ZP3: variants seen among roughly 807,000 people sequenced by gnomAD.
The protein encoded by ZP3 is zona pellucida glycoprotein 3.
Under a neutral mutation model 35.6 loss-of-function variants are expected in ZP3, and 21 were observed. The ratio of observed to expected loss-of-function variants is 0.59; its 90% CI spans 0.42 to 0.85. The LOEUF is 0.85. Among genes scored for constraint, ZP3 ranks in the 40% least tolerant of loss-of-function variants. ZP3 has a pLI of 0.00. For synonymous variants in ZP3, 207 were observed against 214.5 expected (o/e 0.96, Z 0.31); for missense variants, 437 against 536.5 (o/e 0.81, Z 1.83).
chr7:76,408,089 G>A (rs1805099059), intron 1 of ZP3, among the ~76,000 whole-genome samples: 1 of 152,178 alleles, frequency 6.6e-6, no homozygotes, highest in African/African-American at 2.4e-5. Context: ...TTTGTAGGAG[G>A]CGGCGGTAGA....
At chr7:76,436,088 G>T in intron 5 of ZP3, among the ~76,000 whole-genome samples, 1 of 101,400 alleles carries the variant, frequency 9.9e-6, no homozygotes, top group Non-Finnish European at 1.8e-5. Context: ...GAGGGTCTCT[G>T]TCACCCAGGC....
At chr7:76,416,945 C>CATATATATATATAT (rs35169816) in intron 1 of ZP3, among the ~76,000 whole-genome samples, 16 of 73,248 alleles carry the variant, frequency 2.2e-4, no homozygotes, top group Non-Finnish European at 3.9e-4. Context: ...TGTATACATA[C>CATATATATATATAT]ATATATATAT....
At chr7:76,436,076 G>C (rs1436062934) in intron 5 of ZP3, among the ~76,000 whole-genome samples, 1 of 46,302 alleles carries the variant, frequency 2.2e-5, no homozygotes, top group Non-Finnish European at 4.1e-5. Context: ...TTTTTTTTTT[G>C]AGAGGGTCTC....
At chr7:76,423,055 G>C (rs868241641), upstream of ZP3, among the ~76,000 whole-genome samples, 16 of 136,002 alleles carry the variant, frequency 1.2e-4, no homozygotes, top group African/African-American at 5.4e-4. Context: ...AAGAAAGAAA[G>C]AAAGAAAGAA....
chr7:76,423,038 A>G (rs1410448972), upstream of ZP3, among the ~76,000 whole-genome samples: 49 of 126,732 alleles, frequency 3.9e-4, no homozygotes, highest in East Asian at 4.9e-3. Context: ...AAAGAAAGAA[A>G]GAAAGAAAGA....
chr7:76,400,772 C>T (rs982306148), intron 1 of ZP3, among the ~76,000 whole-genome samples: 4 of 152,164 alleles, frequency 2.6e-5, no homozygotes, highest in African/African-American at 7.2e-5. Context: ...CCTCCCAAAG[C>T]GCTAGGATCA....
At chr7:76,412,959 C>CTTT (rs1163502002) in intron 1 of ZP3, among the ~76,000 whole-genome samples, 1 of 90,364 alleles carries the variant, frequency 1.1e-5, no homozygotes, top group Non-Finnish European at 2.2e-5. Flanking sequence ...TCTTCTTCTT[C>CTTT]TTCTTCTTTT....
At chr7:76,438,124 C>T (rs561418818) in intron 5 of ZP3, among the ~76,000 whole-genome samples, 3 of 152,204 alleles carry the variant, frequency 2.0e-5, no homozygotes, top group African/African-American at 4.8e-5. Context: ...ATGCTCTGCC[C>T]GAGGTTGAGC....
At chr7:76,413,729 TG>T (rs1375776035) in intron 1 of ZP3, among the ~76,000 whole-genome samples, 1 of 152,086 alleles carries the variant, frequency 6.6e-6, no homozygotes. Context: ...TGTAGTGGCG[TG>T]ATCATAGCTC....
chr7:76,411,963 C>T (rs946393304), intron 1 of ZP3, among the ~76,000 whole-genome samples: 1 of 152,022 alleles, frequency 6.6e-6, no homozygotes, highest in Non-Finnish European at 1.5e-5. Context: ...GAGGCTGTGG[C>T]AGGAGGATCA....
upstream of ZP3, among the ~76,000 whole-genome samples, chr7:76,422,880 CCCAGCTACT>C (rs1455773126): frequency 1.3e-5 from 2 of 150,238 alleles, no homozygotes; most frequent in Non-Finnish European, 3.0e-5. Context: ...TGCCTGTAAT[CCCAGCTACT>C]CGGGAGGCTG....
intron 2 of ZP3, among the ~76,000 whole-genome samples, chr7:76,430,848 C>T (rs950605194): frequency 6.6e-5 from 10 of 152,194 alleles, no homozygotes; most frequent in South Asian, 2.1e-4. Context: ...AGAACAGGAT[C>T]CTGGAGTGGG....
Position 76,403,347 on chromosome 7 carries a change from C to CTTTTTTTTTT in ZP3, c.-67+5558_-67+5559insTTTTTTTTTT, listed in dbSNP as rs766899317. On this transcript the variant is annotated intron_variant, in intron 1 of 8. Coordinates refer to the ZP3 transcript ENST00000336517. ...TGATGAAGAAACTGAGACTCCACTT[C>CTTTTTTTTTT]TTTTTTTTGAGACAGAGTCTCGCCC... Among the ~76,000 whole-genome samples, 18 of 149,606 alleles carry CTTTTTTTTTT rather than the reference C, an allele frequency of 1.2e-4. 3 individuals are homozygous for CTTTTTTTTTT. The highest frequency in any genetic ancestry group is 2.1e-4 in the South Asian group (1 of 4,706).
intron 1 of ZP3, among the ~76,000 whole-genome samples, chr7:76,428,033 A>G (rs973239050): frequency 5.3e-5 from 8 of 152,020 alleles, no homozygotes; most frequent in Admixed American, 1.3e-4. Context: ...AGCTTAGAAT[A>G]GGTGGTTGGG....
chr7:76,432,798 G>A (rs115299574), intron 2 of ZP3, 129 bp from the exon 3 acceptor site: 5 of 709,402 alleles, frequency 7.0e-6, no homozygotes, highest in African/African-American at 1.8e-5. Flanking sequence ...CAGCCATCTC[G>A]CACCAGCTAC....
At chr7:76,410,300 G>A (rs1805207139) in intron 1 of ZP3, among the ~76,000 whole-genome samples, 1 of 151,832 alleles carries the variant, frequency 6.6e-6, no homozygotes, top group Admixed American at 6.6e-5. Flanking sequence ...CAAAGTGCTG[G>A]GTTTACAGGT....
intron 1 of ZP3, chr7:76,429,112 T>C (rs1805755834): frequency 1.7e-5 from 4 of 229,872 alleles, no homozygotes; most frequent in Non-Finnish European, 3.5e-5. Flanking sequence ...AGAAGGGATG[T>C]GTCATGTGCC....
At chr7:76,426,154 C>T (rs1179675195) in intron 1 of ZP3, among the ~76,000 whole-genome samples, 1 of 151,678 alleles carries the variant, frequency 6.6e-6, no homozygotes, top group Admixed American at 6.6e-5. Flanking sequence ...GTGTTAAAGA[C>T]CTTAAAAGCA....
intron 1 of ZP3, among the ~76,000 whole-genome samples, chr7:76,414,282 C>G (rs1805314426): frequency 6.6e-6 from 1 of 152,178 alleles, no homozygotes; most frequent in Admixed American, 6.6e-5. Context: ...CAGGTGTGAG[C>G]CACTGCACCC....
Sources: gnomAD v4.1 joint callset for allele counts (sites outside exome capture counted in the v4.1 genomes callset) on GRCh38, gnomAD v4.1.1 for gene constraint, MANE v1.5 for transcripts, NCBI Gene and HGNC (gene_info 2026-07-23, HGNC 2026-07-21) for gene names.